RYR2: variants seen among roughly 807,000 people sequenced by gnomAD.
RYR2 encodes the protein cardiac muscle ryanodine receptor-calcium release channel.
RYR2 carries 227 observed loss-of-function variants against 601.1 expected under a neutral mutation model. The ratio of observed to expected loss-of-function variants is 0.38; its 90% CI spans 0.34 to 0.42. The LOEUF (loss-of-function observed/expected upper bound fraction) is 0.42, where lower values mean the gene tolerates loss of function less well. Among genes scored for constraint, RYR2 ranks in the 10% least tolerant of loss-of-function variants. RYR2 has a pLI of 1.00. For synonymous variants in RYR2, 2,223 were observed against 2,175.1 expected, an observed-to-expected ratio of 1.02 and a Z score of -0.61; for missense variants, 4,646 against 6,156.5, an observed-to-expected ratio of 0.75 and a Z score of 8.21.
intron 93 of RYR2, 118 bp from the exon 94 acceptor site, chr1:237,791,987 A>G (rs746968709): frequency 2.8e-6 from 2 of 720,908 alleles, no homozygotes; most frequent in Non-Finnish European, 4.7e-6. Flanking sequence ...TAGTCCTTTC[A>G]TTATGCAGTG....
At chr1:237,378,964 C>T (rs1051570486) in intron 8 of RYR2, among the ~76,000 whole-genome samples, 3 of 152,132 alleles carry the variant, frequency 2.0e-5, no homozygotes, top group African/African-American at 7.2e-5. Context: ...TGTCCCTTAA[C>T]CAATGTAGGT....
intron 3 of RYR2, among the ~76,000 whole-genome samples, chr1:237,350,173 C>T (rs1698636860): frequency 6.6e-6 from 1 of 151,938 alleles, no homozygotes; most frequent in East Asian, 1.9e-4. Flanking sequence ...TGCTGCTCAC[C>T]AGAGATATAC....
intron 97 of RYR2, among the ~76,000 whole-genome samples, chr1:237,800,353 G>A (rs1336159123): frequency 6.6e-6 from 1 of 151,350 alleles, no homozygotes; most frequent in Admixed American, 6.6e-5. Context: ...AAATATTTGT[G>A]GCACTTTTTT....
intron 87 of RYR2, among the ~76,000 whole-genome samples, chr1:237,778,025 G>C (rs1694799500): frequency 6.6e-6 from 1 of 152,152 alleles, no homozygotes; most frequent in South Asian, 2.1e-4. Context: ...GGTTTTCTTA[G>C]GGAGGAACGC....
rs557512629 is a variant in RYR2 at position 237,819,346 on chromosome 1, C to T, written c.14590+154C>T. On this transcript the variant is annotated intron_variant, in intron 101 of 104. Transcript: ENST00000366574. This position sits in a 1 kb window ranked among gnomAD's most constrained non-coding sequence, Gnocchi z 4.0. ...AGTATTTCTTCATCATGCAATCTACCGGGGGAAATATAAAGCGGTATGGAA... is the reference window on the plus strand; with the variant it reads ...AGTATTTCTTCATCATGCAATCTACTGGGGGAAATATAAAGCGGTATGGAA... Among the ~76,000 whole-genome samples, 7 of 152,138 alleles carry T rather than the reference C, an allele frequency of 4.6e-5. No individual in the cohort carries two copies. Among genetic ancestry groups the T allele is most frequent in the South Asian group, 2.1e-4 (1 of 4,818 alleles).
At chr1:237,217,925 G>T (rs1683371562) in intron 1 of RYR2, among the ~76,000 whole-genome samples, 1 of 152,174 alleles carries the variant, frequency 6.6e-6, no homozygotes, top group African/African-American at 2.4e-5. Context: ...ATAGTTAATG[G>T]AGACAAGGGG....
At chr1:237,450,070 T>C (rs1040175116) in intron 14 of RYR2, among the ~76,000 whole-genome samples, 1 of 152,122 alleles carries the variant, frequency 6.6e-6, no homozygotes, top group African/African-American at 2.4e-5. Context: ...GTCCCATGAA[T>C]TGTAGAGTTT....
chr1:237,559,973 C>T (rs1192554827), intron 27 of RYR2, among the ~76,000 whole-genome samples: 2 of 152,214 alleles, frequency 1.3e-5, no homozygotes, highest in Non-Finnish European at 2.9e-5. Flanking sequence ...ACTGATAAGT[C>T]TCCCAGTCTT....
intron 1 of RYR2, among the ~76,000 whole-genome samples, chr1:237,043,440 A>G (rs1228359146): frequency 1.3e-5 from 2 of 152,158 alleles, no homozygotes; most frequent in East Asian, 3.9e-4. Flanking sequence ...TTGGCTCCAC[A>G]CTAATACAAT....
chr1:237,687,417 C>G, intron 62 of RYR2, 38 bp from the exon 63 acceptor site: 1 of 1,094,468 alleles, frequency 9.1e-7, no homozygotes, highest in Non-Finnish European at 1.4e-6. Context: ...CTTCCCTTCC[C>G]CCTTCCCTTT....
chr1:237,618,428 C>G (rs1394899197), intron 38 of RYR2, among the ~76,000 whole-genome samples: 1 of 152,098 alleles, frequency 6.6e-6, no homozygotes, highest in African/African-American at 2.4e-5. Flanking sequence ...TAAGAAGGCT[C>G]TGAAAGATAG....
intron 1 of RYR2, among the ~76,000 whole-genome samples, chr1:237,074,343 T>C (rs1664743625): frequency 6.6e-6 from 1 of 152,118 alleles, no homozygotes; most frequent in South Asian, 2.1e-4. Context: ...TTAAATAAAA[T>C]TGTATATGTG....
chr1:237,670,146 A>G (rs1684782049), intron 58 of RYR2, among the ~76,000 whole-genome samples: 1 of 151,922 alleles, frequency 6.6e-6, no homozygotes, highest in African/African-American at 2.4e-5. Context: ...AAAACCAGTC[A>G]GGCGTGGCGG....
intron 17 of RYR2, among the ~76,000 whole-genome samples, chr1:237,478,395 C>G (rs1330850722): frequency 2.6e-5 from 4 of 152,156 alleles, no homozygotes; most frequent in Non-Finnish European, 1.5e-5. Flanking sequence ...TCAAAGTGCT[C>G]TTAGTGACAC....
In RYR2 at chr1:237,773,537, T is replaced by A. The variant is rs1694428831; in HGVS notation, c.11664T>A (p.Phe3888Leu). ...LLRVQESISD[F>L]YWYYSGKDVI... ...TTTCCCAGGAATCAATTAGTGACTT[T>A]TATTGGTATTACTCTGGGAAAGATG... Residue 3888 changes from phenylalanine (F) to leucine (L), a missense_variant, in exon 87 of 105, where the codon TTT becomes TTA. Phe to Leu is a conservative substitution (Grantham distance 22, BLOSUM62 0). Coordinates refer to ENST00000366574, the MANE Select transcript of RYR2 (RefSeq NM_001035.3). 6.3e-7 allele frequency: 1 copy of A among 1,588,140 alleles called. No homozygotes were observed. The highest frequency in any genetic ancestry group is 1.1e-5 in the South Asian group (1 of 90,438).
chr1:237,092,662 T>A (rs544879239), intron 1 of RYR2, among the ~76,000 whole-genome samples: 43 of 152,064 alleles, frequency 2.8e-4, no homozygotes, highest in African/African-American at 9.2e-4. Context: ...CCCGAGTAAC[T>A]GGGATTACAG....
chr1:237,345,961 A>G (rs1395553203), intron 3 of RYR2, among the ~76,000 whole-genome samples: 8 of 152,124 alleles, frequency 5.3e-5, no homozygotes, highest in Admixed American at 3.3e-4. Context: ...TTACTGTATT[A>G]TTTACTTAGC....
At chr1:237,336,781 C>A (rs887983753) in intron 3 of RYR2, among the ~76,000 whole-genome samples, 5 of 151,880 alleles carry the variant, frequency 3.3e-5, no homozygotes, top group Non-Finnish European at 7.4e-5. Flanking sequence ...CGCTTGAACC[C>A]AGGAGATGGA....
chr1:237,268,569 T>TA (rs934001799), intron 1 of RYR2, among the ~76,000 whole-genome samples: 2 of 152,114 alleles, frequency 1.3e-5, no homozygotes, highest in African/African-American at 4.8e-5. Context: ...AGGTGGTTGT[T>TA]AAAAATATTG....
Sources: allele counts gnomAD v4.1 joint callset (sites outside exome capture counted in the v4.1 genomes callset), GRCh38; gene constraint gnomAD v4.1.1; non-coding constraint Gnocchi (gnomAD v3.1); transcripts MANE v1.5; gene names NCBI Gene and HGNC (gene_info 2026-07-23, HGNC 2026-07-21).